The following TMEM117 variants were observed in gnomAD, a reference collection of about 807,000 sequenced individuals.
The protein encoded by TMEM117 is transmembrane protein 117.
TMEM117 carries 27 observed loss-of-function variants against 52.4 expected under a neutral mutation model. The ratio of observed to expected loss-of-function variants is 0.51; its 90% CI spans 0.38 to 0.71. The LOEUF is 0.71. Among genes scored for constraint, TMEM117 ranks in the 30% least tolerant of loss-of-function variants. The pLI is 0.00. For synonymous variants in TMEM117, 215 were observed against 206.3 expected, an observed-to-expected ratio of 1.04 and a Z score of -0.36; for missense variants, 556 against 630.5, an observed-to-expected ratio of 0.88 and a Z score of 1.26.
At chr12:43,946,809 G>A (rs938462944) in intron 3 of TMEM117, among the ~76,000 whole-genome samples, 1 of 152,168 alleles carries the variant, frequency 6.6e-6, no homozygotes, top group Non-Finnish European at 1.5e-5. Flanking sequence ...ATATGCTTAG[G>A]AAATAAGAGA....
At chr12:43,841,628 A>G (rs1242236472) in intron 1 of TMEM117, among the ~76,000 whole-genome samples, 1 of 152,220 alleles carries the variant, frequency 6.6e-6, no homozygotes, top group African/African-American at 2.4e-5. Context: ...CAAGAAAATA[A>G]GTATGTGCTA....
chr12:43,844,895 G>A lies in TMEM117; in HGVS notation c.244G>A (p.Ala82Thr). 1.2e-6 allele frequency: 2 copies of A among 1,613,784 alleles called. No homozygotes were observed. The highest frequency in any genetic ancestry group is 1.7e-5 in the Admixed American group (1 of 59,916). ...ACTTGCCATTCTCACAGGACTAATAGCTGGCAAATTTCTGTTCCATCAGCG... is the reference window on the plus strand; with the variant it reads ...ACTTGCCATTCTCACAGGACTAATAACTGGCAAATTTCTGTTCCATCAGCG... The part of the protein sequence containing the change: ...WLLAILTGLI[A>T]GKFLFHQRLF... The change falls in exon 2 of 8, where the codon GCT becomes ACT. Residue 82 changes from alanine (A) to threonine (T), a missense_variant. Around this residue, in one of 3 missense-constraint regions of TMEM117, gnomAD observed 328 missense variants for 371.4 expected, o/e 0.88. Coordinates refer to ENST00000266534, the MANE Select transcript of TMEM117 (RefSeq NM_032256.3).
intron 6 of TMEM117, among the ~76,000 whole-genome samples, chr12:44,311,716 AATATATATATGT>A (rs1204410780): frequency 2.8e-5 from 4 of 143,438 alleles, no homozygotes; most frequent in South Asian, 2.1e-4. Flanking sequence ...GTTAATATTA[AATATATATATGT>A]ATATATATAT....
At chr12:43,931,840 C>G (rs915869334) in intron 2 of TMEM117, among the ~76,000 whole-genome samples, 2 of 152,188 alleles carry the variant, frequency 1.3e-5, no homozygotes, top group Non-Finnish European at 2.9e-5. Context: ...TTAAGGACAA[C>G]TTTACATTCT....
chr12:44,002,646 C>T (rs990916334), intron 3 of TMEM117, among the ~76,000 whole-genome samples: 2 of 152,118 alleles, frequency 1.3e-5, no homozygotes, highest in Non-Finnish European at 2.9e-5. Context: ...CTAAGGGTGA[C>T]ATTGTCCTTC....
Position 43,938,229 on chromosome 12 carries a change from C to CTATATTATATATTATTATATATTATATAT in TMEM117, c.278-5967_278-5939dup, listed in dbSNP as rs1010241227. Among the ~76,000 whole-genome samples, 238 of 147,494 alleles carry CTATATTATATATTATTATATATTATATAT rather than the reference C, an allele frequency of 1.6e-3. 2 individuals carry two copies. Among genetic ancestry groups the CTATATTATATATTATTATATATTATATAT allele is most frequent in the African/African-American group, 5.5e-3 (222 of 40,456 alleles). ...AGTGGTCTGGCTGGGGGCAACAAGG[C>CTATATTATATATTATTATATATTATATAT]TATATTATATATTATTATATATTAT... is the stretch of plus-strand genomic sequence containing the variant. On this transcript the variant is annotated intron_variant, in intron 2 of 7. Transcript: ENST00000266534.
At position 43,855,101 on chromosome 12, in the gene TMEM117, A is replaced by T. The variant is rs866971363; in HGVS notation, c.277+10173A>T. Reference sequence around the variant, plus strand: ...ACATGAAGTTGGATAAGTAAAGACCACAGACAGACTCAAGTAAGTTCAGGT... The same window carrying T: ...ACATGAAGTTGGATAAGTAAAGACCTCAGACAGACTCAAGTAAGTTCAGGT... On this transcript the variant is annotated intron_variant, in intron 2 of 7. Coordinates refer to ENST00000266534, the MANE Select transcript of TMEM117 (RefSeq NM_032256.3). Among the ~76,000 whole-genome samples, 3 of 152,228 alleles carry T rather than the reference A, an allele frequency of 2.0e-5. No homozygotes were observed. The South Asian group carries it at 6.2e-4, about 32-fold the overall frequency.
At chr12:44,200,032 C>T (rs999408299) in intron 4 of TMEM117, among the ~76,000 whole-genome samples, 2 of 152,048 alleles carry the variant, frequency 1.3e-5, no homozygotes, top group African/African-American at 2.4e-5. Context: ...AGAGGAGAAT[C>T]GGCTTGAACC....
chr12:44,198,734 C>T (rs947609479), intron 4 of TMEM117, among the ~76,000 whole-genome samples: 1 of 152,094 alleles, frequency 6.6e-6, no homozygotes, highest in Non-Finnish European at 1.5e-5. Flanking sequence ...TTATGGTGTA[C>T]TTGGAGTGAA....
chr12:44,163,256 C>A (rs1335412457), intron 4 of TMEM117, among the ~76,000 whole-genome samples: 1 of 152,032 alleles, frequency 6.6e-6, no homozygotes, highest in South Asian at 2.1e-4. Context: ...TTTAAATTGC[C>A]CACTGAGGCT....
chr12:43,909,104 T>A (rs1296415194), intron 2 of TMEM117, among the ~76,000 whole-genome samples: 2 of 60,980 alleles, frequency 3.3e-5, no homozygotes, highest in Non-Finnish European at 5.4e-5. Context: ...GAAGTAAAGC[T>A]CTCCTCAGCA....
At chr12:44,287,724 T>C (rs2138612445) in intron 5 of TMEM117, among the ~76,000 whole-genome samples, 1 of 152,354 alleles carries the variant, frequency 6.6e-6, no homozygotes, top group Non-Finnish European at 1.5e-5. Flanking sequence ...AGTGCAGTGC[T>C]TATGACAAAA....
chr12:44,393,159 A>G (rs1272527455), downstream of TMEM117, among the ~76,000 whole-genome samples: 1 of 152,196 alleles, frequency 6.6e-6, no homozygotes, highest in Non-Finnish European at 1.5e-5. Flanking sequence ...TTTAGTGAAT[A>G]TAAAACATAT....
chr12:43,969,518 T>G (rs1555189106), intron 3 of TMEM117, among the ~76,000 whole-genome samples: 1 of 147,808 alleles, frequency 6.8e-6, no homozygotes, highest in African/African-American at 2.5e-5. Flanking sequence ...TGAGACTCTG[T>G]ATCAAAAAAA....
intron 5 of TMEM117, among the ~76,000 whole-genome samples, chr12:44,262,483 A>G (rs986366835): frequency 1.3e-5 from 2 of 152,210 alleles, no homozygotes; most frequent in African/African-American, 4.8e-5. Flanking sequence ...TGGAAATGAA[A>G]GAGGTTATCT....
chr12:43,837,887 A>G (rs1217673955), intron 1 of TMEM117, among the ~76,000 whole-genome samples: 4 of 152,210 alleles, frequency 2.6e-5, no homozygotes, highest in Non-Finnish European at 5.9e-5. Context: ...GAACAAGGGA[A>G]GAAAAATCAC....
At chr12:44,298,418 T>G (rs1041426787) in intron 5 of TMEM117, among the ~76,000 whole-genome samples, 2 of 129,898 alleles carry the variant, frequency 1.5e-5, no homozygotes, top group African/African-American at 8.0e-5. Context: ...AAGTAATTGT[T>G]TTTTTTTTTC....
intron 3 of TMEM117, among the ~76,000 whole-genome samples, chr12:44,127,581 C>G (rs190873328): frequency 6.6e-6 from 1 of 151,858 alleles, no homozygotes; most frequent in East Asian, 1.9e-4. Context: ...GAGGCTGAGG[C>G]AGGAGAATTG....
rs560026326 is a variant in TMEM117, at chr12:44,064,595, C to T, written c.411-78930C>T. ...TTGCAGTGTCATTAGTATAATGACT[C>T]GTGATTAATTTTTTAAAAATCTGTT... On this transcript the variant is annotated intron_variant, in intron 3 of 7. Transcript: ENST00000266534. Among the ~76,000 whole-genome samples the T allele has an allele frequency of 1.0e-3, 153 of 151,670 alleles. 2 individuals carry two copies. Among genetic ancestry groups the T allele is most frequent in the African/African-American group, 3.5e-3 (144 of 41,332 alleles).
Sources: gnomAD v4.1 joint callset for allele counts (sites outside exome capture counted in the v4.1 genomes callset) on GRCh38, gnomAD v4.1.1 for gene constraint, gnomAD v4.1.1 regional missense constraint, MANE v1.5 for transcripts, NCBI Gene and HGNC (gene_info 2026-07-23, HGNC 2026-07-21) for gene names.